Variants in NBEAL1 observed in about 807,000 individuals in gnomAD.
NBEAL1 encodes neurobeachin like 1.
Under a neutral mutation model 351.3 loss-of-function variants are expected in NBEAL1, and 273 were observed. The ratio of observed to expected loss-of-function variants is 0.78; its 90% CI spans 0.70 to 0.86. NBEAL1 has a LOEUF of 0.86. Ranked by LOEUF, NBEAL1 falls within the 40% of genes least tolerant of loss-of-function variation. NBEAL1 has a pLI of 0.00. For synonymous variants in NBEAL1, 1,050 were observed against 1,086.4 expected (o/e 0.97, Z 0.66); for missense variants, 2,961 against 3,201.3 (o/e 0.92, Z 1.81).
At chr2:203,092,352 G>A (rs1332398307) in intron 10 of NBEAL1, among the ~76,000 whole-genome samples, 10 of 150,802 alleles carry the variant, frequency 6.6e-5, no homozygotes, top group African/African-American at 2.4e-4. Context: ...TCAGGAGTTC[G>A]AGACCAGCCT....
chr2:203,199,898 T>C (rs1476581979), intron 49 of NBEAL1, among the ~76,000 whole-genome samples: 2 of 152,258 alleles, frequency 1.3e-5, no homozygotes, highest in Non-Finnish European at 2.9e-5. Context: ...AAACTTAGTT[T>C]CCATAATATG....
At chr2:203,155,728 A>G (rs914298806) in intron 35 of NBEAL1, among the ~76,000 whole-genome samples, 3 of 152,192 alleles carry the variant, frequency 2.0e-5, no homozygotes, top group East Asian at 3.9e-4. Context: ...GATTACAGGC[A>G]TGAGCCATCA....
intron 49 of NBEAL1, among the ~76,000 whole-genome samples, chr2:203,200,239 G>A (rs2065356985): frequency 6.6e-6 from 1 of 152,104 alleles, no homozygotes; most frequent in Admixed American, 6.6e-5. Context: ...TTGGCCGGGT[G>A]TGGTGGCTCA....
intron 7 of NBEAL1, among the ~76,000 whole-genome samples, chr2:203,073,588 C>T (rs1332858685): frequency 6.6e-6 from 1 of 152,214 alleles, no homozygotes; most frequent in Non-Finnish European, 1.5e-5. Flanking sequence ...CTATAGTACA[C>T]TATGATTGTG....
chr2:203,051,989 A>G (rs2061331649), intron 4 of NBEAL1, among the ~76,000 whole-genome samples: 1 of 152,128 alleles, frequency 6.6e-6, no homozygotes, highest in Admixed American at 6.6e-5. Context: ...TTAGTATGAT[A>G]CATTTATTAC....
intron 3 of NBEAL1, among the ~76,000 whole-genome samples, chr2:203,049,289 C>A (rs951173328): frequency 3.3e-5 from 5 of 152,150 alleles, no homozygotes; most frequent in African/African-American, 1.2e-4. Flanking sequence ...GAGCTCCTAA[C>A]CTCGTGATCC....
intron 7 of NBEAL1, among the ~76,000 whole-genome samples, chr2:203,076,910 G>T (rs963747119): frequency 1.1e-4 from 16 of 151,900 alleles, no homozygotes; most frequent in African/African-American, 3.9e-4. Context: ...TCTTTACTAA[G>T]ACTATTACAC....
At chr2:203,073,762 A>G (rs1157464981) in intron 7 of NBEAL1, among the ~76,000 whole-genome samples, 1 of 152,068 alleles carries the variant, frequency 6.6e-6, no homozygotes, top group Non-Finnish European at 1.5e-5. Context: ...TTTAATATTA[A>G]CTTCCTCTTA....
chr2:203,159,203 T>C (rs2063881261), intron 36 of NBEAL1, among the ~76,000 whole-genome samples: 1 of 152,176 alleles, frequency 6.6e-6, no homozygotes, highest in Admixed American at 6.6e-5. Context: ...TTTATTTTTG[T>C]TAATCCAGGT....
intron 3 of NBEAL1, among the ~76,000 whole-genome samples, chr2:203,043,140 G>A (rs1019043582): frequency 2.6e-5 from 4 of 152,114 alleles, no homozygotes; most frequent in African/African-American, 7.2e-5. Flanking sequence ...TGGCCTTACA[G>A]TAGGACCTTA....
chr2:203,138,860 A>G (rs2063291776), intron 31 of NBEAL1, 112 bp downstream of exon 31: 13 of 1,038,856 alleles, frequency 1.3e-5, no homozygotes, highest in South Asian at 2.2e-5. Context: ...CATTAGTTCT[A>G]AAAGTATCCA....
At position 203,130,422 on chromosome 2, in the gene NBEAL1, C is replaced by A; in HGVS notation, c.3510C>A (p.Tyr1170Ter). The A allele has an allele frequency of 6.7e-7, 1 of 1,500,570 alleles. No individual in the cohort carries two copies. The highest frequency in any genetic ancestry group is 1.4e-5 in the South Asian group (1 of 73,624). 93.0% of individuals were successfully genotyped at this position (1,500,570 alleles called of 1,614,324 possible). ...LFEPGNADIL[Y>*]ALLLNQKYSD... ...AACCAGGAAATGCTGACATACTGTA[C>A]GCATTGCTCTTAAATCAGAAGTACT... Residue 1170 changes from tyrosine (Y) to a stop codon, truncating the protein, a stop_gained, in exon 25 of 56, where the codon TAC (tyrosine) becomes TAA (stop). Coordinates refer to ENST00000683969, the MANE Select transcript of NBEAL1 (RefSeq NM_001378026.1). LOFTEE classifies it high-confidence loss of function.
Position 203,172,779 on chromosome 2 carries a change from C to T in NBEAL1, c.6249C>T (p.Asn2083=). ...DYTSEELDLN[N]PAVFRDLSKP... ...CTTCGGAAGAGTTGGACCTTAATAA[C>T]CCTGCTGTATTTCGAGATCTTTCCA... Residue 2083 remains asparagine (N), a synonymous_variant, in exon 41 of 56, where the codon AAC becomes AAT. Coordinates refer to ENST00000683969, the MANE Select transcript of NBEAL1 (RefSeq NM_001378026.1). 1 of 1,612,234 alleles carries T rather than the reference C, an allele frequency of 6.2e-7. No individual in the cohort carries two copies.
Position 203,223,457 on chromosome 2 carries a change from T to C in NBEAL1, c.*6103T>C, listed in dbSNP as rs1182445817. On this transcript the variant is annotated 3_prime_UTR_variant, in exon 56 of 56. Transcript: ENST00000683969. ...TGTGTCTGTGTTTCCACTTATGTAA[T>C]GGCTGTCTCATTATTTAAATTAATT... Among the ~76,000 whole-genome samples, 1 of 152,072 alleles carries C rather than the reference T, an allele frequency of 6.6e-6. No homozygotes were observed. Among genetic ancestry groups the C allele is most frequent in the Non-Finnish European group, 1.5e-5 (1 of 67,950 alleles).
At chr2:203,099,330 CT>C (rs1268223040) in intron 11 of NBEAL1, among the ~76,000 whole-genome samples, 3 of 151,770 alleles carry the variant, frequency 2.0e-5, no homozygotes, top group Non-Finnish European at 4.4e-5. Flanking sequence ...ACCTCCCTCC[CT>C]TCCTCTTGAG....
Position 203,062,323 on chromosome 2 carries a change from T to C in NBEAL1, c.515+4870T>C, listed in dbSNP as rs374922673. 2.1e-6 allele frequency: 1 copy of C among 484,554 alleles called. No individual in the cohort carries two copies. Among genetic ancestry groups the C allele is most frequent in the Non-Finnish European group, 4.2e-6 (1 of 240,816 alleles). The allele number at this position is 484,554 out of a possible 1,614,324, so 30.0% of individuals were successfully genotyped here. A position where few individuals can be genotyped will look rare whatever the true frequency, so the allele number is the denominator to read the frequency against. ...TTCCTGCGTCACATCTCTATAAGAG[T>C]TTCTTCTGGGAAAAATCCAGCAACG... On this transcript the variant is annotated intron_variant, in intron 6 of 55. Coordinates refer to ENST00000683969, the MANE Select transcript of NBEAL1 (RefSeq NM_001378026.1). The surrounding 1 kb of genome is among the most constrained non-coding windows in gnomAD (Gnocchi z 4.2).
At chr2:203,163,171 C>T (rs1463490735) in intron 36 of NBEAL1, among the ~76,000 whole-genome samples, 1 of 152,064 alleles carries the variant, frequency 6.6e-6, no homozygotes, top group Admixed American at 6.6e-5. Context: ...AAGAAATAAA[C>T]AGATAAATAA....
intron 12 of NBEAL1, among the ~76,000 whole-genome samples, chr2:203,104,081 G>C (rs1397584528): frequency 6.6e-6 from 1 of 152,120 alleles, no homozygotes; most frequent in African/African-American, 2.4e-5. Context: ...ATATTCTCTT[G>C]TTTTGTGGTA....
chr2:203,194,374 A>G (rs986716264), intron 47 of NBEAL1, among the ~76,000 whole-genome samples: 1 of 152,230 alleles, frequency 6.6e-6, no homozygotes, highest in Non-Finnish European at 1.5e-5. Flanking sequence ...GTTTAAATAT[A>G]CATATTAAAT....
Sources: allele counts gnomAD v4.1 joint callset (sites outside exome capture counted in the v4.1 genomes callset), GRCh38; gene constraint gnomAD v4.1.1; non-coding constraint Gnocchi (gnomAD v3.1); transcripts MANE v1.5; gene names NCBI Gene and HGNC (gene_info 2026-07-23, HGNC 2026-07-21).